Variants in EPHB1 observed in about 807,000 individuals in gnomAD.
The protein encoded by EPHB1 is ephrin type-B receptor 1.
A neutral mutation model predicts 94.4 loss-of-function variants in EPHB1; 30 were observed. That is an observed-to-expected ratio of 0.32 (90% CI 0.24 to 0.43). The LOEUF is 0.43. Among genes scored for constraint, EPHB1 ranks in the 20% least tolerant of loss-of-function variants. The pLI, the probability that EPHB1 is intolerant of heterozygous loss-of-function variation, is 1.00. For missense variants in EPHB1, 1,055 were observed against 1,308.3 expected (o/e 0.81, Z 2.99); for synonymous variants, 522 against 489.1 (o/e 1.07, Z -0.89).
intron 1 of EPHB1, among the ~76,000 whole-genome samples, chr3:134,803,771 T>G (rs1207804098): frequency 1.3e-5 from 2 of 152,348 alleles, no homozygotes; most frequent in East Asian, 1.9e-4. Context: ...GGCCTCTGTC[T>G]CCCAGTTCAG....
intron 12 of EPHB1, among the ~76,000 whole-genome samples, chr3:135,207,447 T>TGGG (rs10662148): frequency 6.9e-6 from 1 of 144,420 alleles, no homozygotes; most frequent in South Asian, 2.1e-4. Flanking sequence ...GGCCACAAGC[T>TGGG]GGGGACATAA....
chr3:135,112,943 G>A (rs537672738), intron 4 of EPHB1, among the ~76,000 whole-genome samples: 15 of 152,144 alleles, frequency 9.9e-5, no homozygotes, highest in Admixed American at 3.3e-4. Context: ...TTTACCCATC[G>A]CTGACCAGGG....
At chr3:135,007,997 T>C (rs1254730886) in intron 3 of EPHB1, among the ~76,000 whole-genome samples, 1 of 152,006 alleles carries the variant, frequency 6.6e-6, no homozygotes, top group Non-Finnish European at 1.5e-5. Flanking sequence ...CGTGACAAAA[T>C]CATGAGGGGA....
rs201866882 is a variant in EPHB1, at chr3:135,024,709, C to T, written c.805+72657C>T. On this transcript the variant is annotated intron_variant, in intron 3 of 15. Coordinates refer to ENST00000398015, the MANE Select transcript of EPHB1 (RefSeq NM_004441.5). ...AATGGATTAAACAATTCCATGAGTA[C>T]CAAAAGGAAAAAATCAGTTTCCTGA... Among the ~76,000 whole-genome samples, 4 of 152,210 alleles carry T rather than the reference C, an allele frequency of 2.6e-5. No individual in the cohort carries two copies. In the East Asian group the frequency reaches 7.7e-4, roughly 29 times the overall value.
chr3:135,225,662 G>T (rs907756263), intron 12 of EPHB1, among the ~76,000 whole-genome samples: 41 of 152,186 alleles, frequency 2.7e-4, no homozygotes, highest in African/African-American at 9.4e-4. Context: ...CTTTCAGACT[G>T]TGGCAAGTTT....
chr3:134,858,904 G>A lies in EPHB1; in HGVS notation c.58+63215G>A, dbSNP rs571679384. ...TGAAGATACGGGGCCCCTTCCCACT[G>A]GGTGAGTGAGATTCCCTGGGGTGGG... On this transcript the variant is annotated intron_variant, in intron 1 of 15. Coordinates refer to ENST00000398015, the MANE Select transcript of EPHB1 (RefSeq NM_004441.5). 5.9e-5 allele frequency among the ~76,000 whole-genome samples: 9 copies of A among 152,308 alleles called. No individual in the cohort carries two copies. The Middle Eastern group carries it at 0.024, about 403-fold the overall frequency.
At chr3:134,929,146 G>A (rs541129507) in intron 2 of EPHB1, among the ~76,000 whole-genome samples, 1 of 152,112 alleles carries the variant, frequency 6.6e-6, no homozygotes, top group Non-Finnish European at 1.5e-5. Context: ...GCCTTTCCCG[G>A]GGAAATGGCT....
At chr3:135,197,289 G>A (rs1167314710) in intron 11 of EPHB1, among the ~76,000 whole-genome samples, 5 of 152,030 alleles carry the variant, frequency 3.3e-5, no homozygotes, top group Non-Finnish European at 7.4e-5. Context: ...CTTGAAAGTC[G>A]CTGAGTAATG....
intron 1 of EPHB1, among the ~76,000 whole-genome samples, chr3:134,902,766 A>AGAGCTATTAC (rs1173660716): frequency 6.6e-6 from 1 of 152,210 alleles, no homozygotes; most frequent in Non-Finnish European, 1.5e-5. Context: ...TGGCTGATGA[A>AGAGCTATTAC]GAGCTATTAC....
At chr3:134,838,684 T>G (rs1224184996) in intron 1 of EPHB1, among the ~76,000 whole-genome samples, 2 of 152,216 alleles carry the variant, frequency 1.3e-5, no homozygotes, top group Non-Finnish European at 2.9e-5. Flanking sequence ...CGTGTAGCCT[T>G]TATTGCTCTT....
intron 1 of EPHB1, among the ~76,000 whole-genome samples, chr3:134,844,948 A>G (rs921150295): frequency 1.3e-5 from 2 of 152,094 alleles, no homozygotes; most frequent in African/African-American, 4.8e-5. Flanking sequence ...TTCCTCCCCT[A>G]CTTACCAAAG....
chr3:135,069,134 C>G (rs1268866114), intron 3 of EPHB1, among the ~76,000 whole-genome samples: 1 of 151,158 alleles, frequency 6.6e-6, no homozygotes, highest in Non-Finnish European at 1.5e-5. Flanking sequence ...ATTACCTGAT[C>G]CAAGGTCACA....
chr3:134,889,424 C>A (rs2037922705), intron 1 of EPHB1, among the ~76,000 whole-genome samples: 1 of 151,932 alleles, frequency 6.6e-6, no homozygotes, highest in Admixed American at 6.5e-5. Flanking sequence ...GTAAGGGAGA[C>A]GAGGTGAAGA....
intron 11 of EPHB1, among the ~76,000 whole-genome samples, chr3:135,193,546 A>T (rs1316683856): frequency 6.6e-6 from 1 of 152,182 alleles, no homozygotes; most frequent in Non-Finnish European, 1.5e-5. Flanking sequence ...ATATCTGGGG[A>T]GTGGAAGCTG....
intron 6 of EPHB1, among the ~76,000 whole-genome samples, chr3:135,160,155 G>C (rs2107697366): frequency 6.6e-6 from 1 of 152,258 alleles, no homozygotes; most frequent in South Asian, 2.1e-4. Context: ...CAGAGGAAAG[G>C]AACCATGCCT....
Position 134,813,530 on chromosome 3 carries a change from C to T in EPHB1, c.58+17841C>T, listed in dbSNP as rs538264949. Among the ~76,000 whole-genome samples, 18 of 152,246 alleles carry T rather than the reference C, an allele frequency of 1.2e-4. No homozygotes were observed. In the South Asian group the frequency reaches 3.5e-3, roughly 30 times the overall value. On this transcript the variant is annotated intron_variant, in intron 1 of 15. Coordinates refer to ENST00000398015, the MANE Select transcript of EPHB1 (RefSeq NM_004441.5). The stretch of plus-strand genomic sequence containing the variant: ...GGTCTGAAACCATGCAGAGGAAGCA[C>T]CCCCTAGCCCAGCCCTGGACTCTCA...
chr3:134,853,088 A>T lies in EPHB1; in HGVS notation c.58+57399A>T, dbSNP rs146904546. 6.7e-3 allele frequency among the ~76,000 whole-genome samples: 1,027 copies of T among 152,354 alleles called. 7 individuals are homozygous for T. The highest frequency in any genetic ancestry group is 0.045 in the South Asian group (216 of 4,826). ...AGAGAAAGAAAGAGAACAGAAATAGACAAAGCTCAGAAGTGGAAGAGAAAG... is the reference window on the plus strand; with the variant it reads ...AGAGAAAGAAAGAGAACAGAAATAGTCAAAGCTCAGAAGTGGAAGAGAAAG... On this transcript the variant is annotated intron_variant, in intron 1 of 15. Transcript: ENST00000398015.
intron 9 of EPHB1, among the ~76,000 whole-genome samples, chr3:135,169,421 C>A (rs906386858): frequency 2.6e-5 from 4 of 152,180 alleles, no homozygotes; most frequent in Admixed American, 6.5e-5. Context: ...TCCCTCTATT[C>A]ATAACTATTC....
intron 3 of EPHB1, among the ~76,000 whole-genome samples, chr3:135,084,725 G>A (rs1160289082): frequency 6.6e-6 from 1 of 152,154 alleles, no homozygotes; most frequent in Non-Finnish European, 1.5e-5. Flanking sequence ...TCCTTCTATT[G>A]TGAGATATTG....
Sources: gnomAD v4.1 joint callset for allele counts (sites outside exome capture counted in the v4.1 genomes callset) on GRCh38, gnomAD v4.1.1 for gene constraint, MANE v1.5 for transcripts, NCBI Gene and HGNC (gene_info 2026-07-23, HGNC 2026-07-21) for gene names.